ATL1: variants seen among roughly 807,000 people sequenced by gnomAD.
ATL1 encodes atlastin GTPase 1.
In ATL1, 31 loss-of-function variants were observed where a neutral mutation model predicts 75.5. The observed-to-expected ratio is 0.41, with a 90% confidence interval of 0.31 to 0.55. ATL1 has a LOEUF of 0.55. ATL1 is among the 20% of genes least tolerant of loss of function. The pLI, the probability that ATL1 is intolerant of heterozygous loss-of-function variation, is 0.27. For synonymous variants in ATL1, 226 were observed against 233.3 expected, an observed-to-expected ratio of 0.97 and a Z score of 0.28; for missense variants, 405 against 662.6, an observed-to-expected ratio of 0.61 and a Z score of 4.27.
chr14:50,614,492 C>G lies in ATL1; in HGVS notation c.843C>G (p.Asn281Lys), dbSNP rs368734408. ...HPGLKVATNP[N>K]FDGKLKEIDD... ...GCTTAAAAGTAGCTACCAATCCAAA[C>G]TTTGATGGAAAATTGAAAGGTTTGT... The change falls in exon 8 of 14, where the codon AAC becomes AAG. Residue 281 changes from asparagine to lysine, a missense_variant. Asn to Lys is a moderately conservative substitution (Grantham distance 94, BLOSUM62 0). This residue lies in a region of ATL1 where 59 missense variants were observed against 161.4 expected (regional missense o/e 0.37). Transcript: ENST00000358385. 3 of 1,613,774 alleles carry G rather than the reference C, an allele frequency of 1.9e-6. No homozygotes were observed. The highest frequency in any genetic ancestry group is 1.3e-5 in the African/African-American group (1 of 74,898).
intron 1 of ATL1, among the ~76,000 whole-genome samples, chr14:50,539,590 C>G (rs919827556): frequency 1.3e-5 from 2 of 152,220 alleles, no homozygotes; most frequent in Non-Finnish European, 2.9e-5. Flanking sequence ...GGCCTAGAAC[C>G]TATGACATGG....
chr14:50,604,501 T>C lies in ATL1; in HGVS notation c.631-8758T>C, dbSNP rs904724787. 2.6e-5 allele frequency among the ~76,000 whole-genome samples: 4 copies of C among 152,228 alleles called. No individual in the cohort carries two copies. The South Asian group carries it at 6.2e-4, about 24-fold the overall frequency. ...GTATATACATATTTGGGATTGTAAA[T>C]AGTTTGCATATACAACTCGAAATTG... On this transcript the variant is annotated intron_variant, in intron 6 of 13. Coordinates refer to ENST00000358385, the MANE Select transcript of ATL1 (RefSeq NM_015915.5).
chr14:50,573,650 C>G (rs1483488189), intron 1 of ATL1, among the ~76,000 whole-genome samples: 2 of 152,136 alleles, frequency 1.3e-5, no homozygotes, highest in Non-Finnish European at 2.9e-5. Context: ...CTCAAATCTA[C>G]TAAAAGTATT....
intron 1 of ATL1, among the ~76,000 whole-genome samples, chr14:50,567,908 A>G (rs1383132403): frequency 1.3e-5 from 2 of 152,220 alleles, no homozygotes; most frequent in Non-Finnish European, 2.9e-5. Context: ...ACTCCCTTAT[A>G]GTCTATCTGG....
At chr14:50,592,944 A>ATGTG (rs1418926024) in intron 4 of ATL1, among the ~76,000 whole-genome samples, 3 of 131,230 alleles carry the variant, frequency 2.3e-5, no homozygotes, top group Non-Finnish European at 4.7e-5. Flanking sequence ...ATATATATAT[A>ATGTG]TATGTGTGTG....
At chr14:50,615,393 G>A (rs183328880) in intron 8 of ATL1, among the ~76,000 whole-genome samples, 42 of 152,290 alleles carry the variant, frequency 2.8e-4, no homozygotes, top group Admixed American at 1.4e-3. Context: ...TTACTTTAAA[G>A]AAAGGACAAT....
Position 50,632,978 on chromosome 14 carries a change from CT to C in ATL1, c.*641del, listed in dbSNP as rs1262989838. The C allele has an allele frequency of 6.6e-6, 1 of 152,032 alleles. No individual in the cohort carries two copies. Among genetic ancestry groups the C allele is most frequent in the African/African-American group, 2.4e-5 (1 of 41,396 alleles). The allele number at this position is 152,032 out of a possible 1,614,324, so 9.4% of individuals were successfully genotyped here. A position where few individuals can be genotyped will look rare whatever the true frequency, so the allele number is the denominator to read the frequency against. On this transcript the variant is annotated 3_prime_UTR_variant, in exon 14 of 14. Coordinates refer to ENST00000358385, the MANE Select transcript of ATL1 (RefSeq NM_015915.5). Reference sequence around the variant, plus strand: ...TCATTTGGTACACAAAGAATGTATTCTTCATAGGTTTATTCTTTTAATATGT... The same window carrying C: ...TCATTTGGTACACAAAGAATGTATTCTCATAGGTTTATTCTTTTAATATGT...
At chr14:50,617,002 A>C (rs1330786447) in intron 8 of ATL1, among the ~76,000 whole-genome samples, 2 of 152,226 alleles carry the variant, frequency 1.3e-5, no homozygotes, top group African/African-American at 2.4e-5. Flanking sequence ...CTAGTGAAGA[A>C]AAGTCTCCGA....
intron 1 of ATL1, among the ~76,000 whole-genome samples, chr14:50,548,101 G>A (rs1170480096): frequency 6.6e-6 from 1 of 152,074 alleles, no homozygotes; most frequent in Non-Finnish European, 1.5e-5. Flanking sequence ...AGATACAGGG[G>A]CCCGGGATAG....
chr14:50,593,797 T>C (rs1242867898), intron 4 of ATL1, 49 bp from the exon 5 acceptor site: 7 of 1,249,002 alleles, frequency 5.6e-6, no homozygotes, highest in Non-Finnish European at 8.2e-6. Flanking sequence ...AGTAAGTGCT[T>C]AGGATGATGC....
intron 6 of ATL1, among the ~76,000 whole-genome samples, chr14:50,603,792 G>T (rs1187019183): frequency 2.0e-5 from 3 of 152,124 alleles, no homozygotes; most frequent in Non-Finnish European, 4.4e-5. Flanking sequence ...CGGCCTGCTT[G>T]GGCTGAAAAT....
intron 1 of ATL1, among the ~76,000 whole-genome samples, chr14:50,580,163 GGTTA>G (rs973027609): frequency 6.6e-6 from 1 of 152,028 alleles, no homozygotes; most frequent in Non-Finnish European, 1.5e-5. Context: ...AATGTATCAC[GGTTA>G]TTTATCCATT....
intron 12 of ATL1, among the ~76,000 whole-genome samples, chr14:50,629,619 TATAAC>T (rs970127595): frequency 6.6e-6 from 1 of 151,970 alleles, no homozygotes; most frequent in Non-Finnish European, 1.5e-5. Flanking sequence ...ATATATACTT[TATAAC>T]ATAATTGTAA....
In ATL1 at chr14:50,600,944, A is replaced by AG. The variant is rs1284097116; in HGVS notation, c.630+5313dup. 3.9e-5 allele frequency among the ~76,000 whole-genome samples: 6 copies of AG among 152,172 alleles called. No homozygotes were observed. In the East Asian group the frequency reaches 7.7e-4, roughly 20 times the overall value. ...ATAGTGAGACTCTATCTCTACAAAAAGTGAAAGAAAAAAAATCCACAAAGA... is the reference window on the plus strand; with the variant it reads ...ATAGTGAGACTCTATCTCTACAAAAAGGTGAAAGAAAAAAAATCCACAAAGA... On this transcript the variant is annotated intron_variant, in intron 6 of 13. Coordinates refer to ENST00000358385, the MANE Select transcript of ATL1 (RefSeq NM_015915.5).
intron 1 of ATL1, among the ~76,000 whole-genome samples, chr14:50,533,868 C>T (rs572703824): frequency 6.6e-6 from 1 of 152,232 alleles, no homozygotes; most frequent in East Asian, 1.9e-4. Flanking sequence ...CAGGACAGGG[C>T]ATATATGTAT....
At chr14:50,546,744 G>GT (rs536539163) in intron 1 of ATL1, among the ~76,000 whole-genome samples, 65 of 152,158 alleles carry the variant, frequency 4.3e-4, no homozygotes, top group African/African-American at 1.5e-3. Context: ...TGTTTGTGTG[G>GT]TTTTTTTGAC....
At chr14:50,581,693 C>T (rs3015460) in intron 1 of ATL1, among the ~76,000 whole-genome samples, 149,232 of 152,276 alleles carry the variant, frequency 0.98, 73,153 homozygotes, top group East Asian at 1. Flanking sequence ...TTCTTTCTTA[C>T]TGTAATTCTT....
rs2039565276 is a variant in ATL1 at position 50,630,080 on chromosome 14, A to G, written c.1566+71A>G. On this transcript the variant is annotated intron_variant, in intron 13 of 13. Coordinates refer to ENST00000358385, the MANE Select transcript of ATL1 (RefSeq NM_015915.5). ...TATGATATTATTTTATAAACTGACTAAGCCATTAAAAGATGTCTTTATGTA... is the reference window on the plus strand; with the variant it reads ...TATGATATTATTTTATAAACTGACTGAGCCATTAAAAGATGTCTTTATGTA... 3.5e-6 allele frequency: 4 copies of G among 1,151,396 alleles called. No homozygotes were observed. In the Admixed American group the frequency reaches 6.4e-5, roughly 19 times the overall value. 71.3% of individuals were successfully genotyped at this position (1,151,396 alleles called of 1,614,324 possible).
intron 2 of ATL1, among the ~76,000 whole-genome samples, chr14:50,589,682 A>G (rs2039137606): frequency 6.6e-6 from 1 of 152,208 alleles, no homozygotes. Context: ...AGTATTGGAG[A>G]TGAAGAAGAA....
Sources: gnomAD v4.1 joint callset for allele counts (sites outside exome capture counted in the v4.1 genomes callset) on GRCh38, gnomAD v4.1.1 for gene constraint, gnomAD v4.1.1 regional missense constraint, MANE v1.5 for transcripts, NCBI Gene and HGNC (gene_info 2026-07-23, HGNC 2026-07-21) for gene names.